INO80D: variants seen among roughly 807,000 people sequenced by gnomAD.
The protein encoded by INO80D is INO80 complex subunit D.
Under a neutral mutation model 87.6 loss-of-function variants are expected in INO80D, and 21 were observed. That is an observed-to-expected ratio of 0.24 (90% CI 0.17 to 0.35). The LOEUF (loss-of-function observed/expected upper bound fraction) is 0.35. Ranked by LOEUF, INO80D falls within the 10% of genes least tolerant of loss-of-function variation. The pLI is 1.00. For synonymous variants in INO80D, 440 were observed against 491.0 expected, an observed-to-expected ratio of 0.90 and a Z score of 1.37; for missense variants, 982 against 1,280.7, an observed-to-expected ratio of 0.77 and a Z score of 3.56.
Position 206,001,754 on chromosome 2 carries a change from A to C in INO80D, c.*2614T>G, listed in dbSNP as rs1687910728. On this transcript the variant is annotated 3_prime_UTR_variant, in exon 11 of 11. Transcript: ENST00000403263. ...CAAACTTTGATATCTGTTTTGAACTAGATAAAATAAGAGGAAAAGTTTGTT... is the reference window on the plus strand; with the variant it reads ...CAAACTTTGATATCTGTTTTGAACTCGATAAAATAAGAGGAAAAGTTTGTT... 1 of 152,224 alleles carries C rather than the reference A, an allele frequency of 6.6e-6. No homozygotes were observed. Among genetic ancestry groups the C allele is most frequent in the South Asian group, 2.1e-4 (1 of 4,828 alleles). The allele number at this position is 152,224 out of a possible 1,614,324, so 9.4% of individuals were successfully genotyped here. A position where few individuals can be genotyped will look rare whatever the true frequency, so the allele number is the denominator to read the frequency against.
rs1199298325 is a variant in INO80D at position 206,076,604 on chromosome 2, C to G, written c.-124+9297G>C. ...ACATTCATTATAATCAAGTTTGAAC[C>G]AGAATATTTTAAAATAATGCTTATT... is the stretch of plus-strand genomic sequence containing the variant. On this transcript the variant is annotated intron_variant, in intron 1 of 10. Transcript: ENST00000403263. Among the ~76,000 whole-genome samples the G allele has an allele frequency of 2.6e-5, 4 of 152,128 alleles. No individual in the cohort carries two copies. In the East Asian group the frequency reaches 7.7e-4, roughly 29 times the overall value.
intron 6 of INO80D, among the ~76,000 whole-genome samples, 174 bp from the exon 7 acceptor site, chr2:206,020,019 T>C (rs1304219812): frequency 6.6e-6 from 1 of 152,156 alleles, no homozygotes; most frequent in Non-Finnish European, 1.5e-5. Context: ...CAATTACCAA[T>C]TGTGTTATTT....
chr2:206,048,592 T>C (rs1340168750), intron 4 of INO80D, among the ~76,000 whole-genome samples: 1 of 152,208 alleles, frequency 6.6e-6, no homozygotes, highest in African/African-American at 2.4e-5. Context: ...AGTTTTACCC[T>C]TTTAAAAGTC....
At chr2:206,038,728 G>A (rs948383693) in intron 5 of INO80D, among the ~76,000 whole-genome samples, 16 of 152,258 alleles carry the variant, frequency 1.1e-4, no homozygotes, top group African/African-American at 3.6e-4. Context: ...AGCTACTCGG[G>A]AGGCTGAGGT....
At chr2:206,005,930 G>A (rs1287504055) in intron 10 of INO80D, among the ~76,000 whole-genome samples, 1 of 152,128 alleles carries the variant, frequency 6.6e-6, no homozygotes, top group Non-Finnish European at 1.5e-5. Context: ...GAGAGAAAAG[G>A]CTGTGTAGAA....
chr2:206,013,092 A>T (rs1688221608), intron 8 of INO80D, among the ~76,000 whole-genome samples: 1 of 152,012 alleles, frequency 6.6e-6, no homozygotes, highest in East Asian at 1.9e-4. Context: ...AAAAAATTTG[A>T]TTAGTATAAT....
chr2:206,084,951 G>C (rs1260419974), intron 1 of INO80D, among the ~76,000 whole-genome samples: 1 of 152,194 alleles, frequency 6.6e-6, no homozygotes, highest in East Asian at 1.9e-4. Context: ...TCCCCAACCT[G>C]GGGGGCTCTA....
intron 5 of INO80D, among the ~76,000 whole-genome samples, chr2:206,038,209 T>A (rs1043393669): frequency 6.6e-6 from 1 of 152,210 alleles, no homozygotes; most frequent in African/African-American, 2.4e-5. Context: ...CAAAACTGCA[T>A]GTGTACCCCA....
chr2:206,041,721 C>T (rs35044948), intron 5 of INO80D, among the ~76,000 whole-genome samples: 41,628 of 152,134 alleles, frequency 0.27, 6,368 homozygotes, highest in Admixed American at 0.35. Flanking sequence ...TTATAGAATA[C>T]TATATTCAAA....
intron 5 of INO80D, among the ~76,000 whole-genome samples, chr2:206,034,715 T>C (rs1688851586): frequency 7.2e-6 from 1 of 137,968 alleles, no homozygotes; most frequent in Admixed American, 7.3e-5. Flanking sequence ...ACCACTCCTC[T>C]TCAACATAGT....
intron 6 of INO80D, among the ~76,000 whole-genome samples, chr2:206,024,321 G>C (rs952650282): frequency 2.0e-5 from 3 of 152,108 alleles, no homozygotes; most frequent in African/African-American, 4.8e-5. Flanking sequence ...ATGAAACAGA[G>C]TACAGAGCAC....
intron 1 of INO80D, among the ~76,000 whole-genome samples, chr2:206,081,732 C>G (rs1169837349): frequency 7.1e-6 from 1 of 140,250 alleles, no homozygotes; most frequent in South Asian, 2.2e-4. Context: ...ACTCCAGGCT[C>G]GACAACAGAG....
chr2:206,066,332 C>T (rs947646091), intron 1 of INO80D, among the ~76,000 whole-genome samples: 1 of 152,098 alleles, frequency 6.6e-6, no homozygotes, highest in Non-Finnish European at 1.5e-5. Flanking sequence ...CACTACTAGG[C>T]ATTTTTCCAA....
At chr2:206,030,606 C>G (rs990340364) in intron 5 of INO80D, among the ~76,000 whole-genome samples, 1 of 151,994 alleles carries the variant, frequency 6.6e-6, no homozygotes, top group Non-Finnish European at 1.5e-5. Context: ...GGATGGTGAA[C>G]AGCAAGAATG....
chr2:206,060,610 G>C (rs1209793922), intron 3 of INO80D, among the ~76,000 whole-genome samples: 1 of 151,332 alleles, frequency 6.6e-6, no homozygotes, highest in African/African-American at 2.4e-5. Context: ...GCCCAGGCTG[G>C]AGTGCAATGG....
Position 206,004,512 on chromosome 2 carries a change from G to A in INO80D, c.2940C>T (p.Gly980=). 1 of 1,610,072 alleles carries A rather than the reference G, an allele frequency of 6.2e-7. No homozygotes were observed. Among genetic ancestry groups the A allele is most frequent in the Non-Finnish European group, 8.5e-7 (1 of 1,178,168 alleles). ...QQLPQFSAAF[G]HQLSSHSGIP... ...TGCCACTGTGAGAACTCAGCTGGTG[G>A]CCAAAGGCTGCGCTGAACTGAGGGA... The change falls in exon 11 of 11, where the codon GGC becomes GGT. Residue 980 remains glycine, a synonymous_variant. Coordinates refer to ENST00000403263, the MANE Select transcript of INO80D (RefSeq NM_017759.5). The surrounding 1 kb of genome is among the most constrained non-coding windows in gnomAD (Gnocchi z 4.9).
chr2:206,070,814 T>TA (rs770264799), intron 1 of INO80D, among the ~76,000 whole-genome samples: 5 of 152,122 alleles, frequency 3.3e-5, no homozygotes, highest in African/African-American at 4.8e-5. Flanking sequence ...TGCTTTTTTT[T>TA]ATCTACTGAC....
chr2:206,074,180 G>A (rs1690046717), intron 1 of INO80D, among the ~76,000 whole-genome samples: 1 of 152,110 alleles, frequency 6.6e-6, no homozygotes, highest in Admixed American at 6.6e-5. Flanking sequence ...GGTAATTAAA[G>A]CACTTTAGAG....
At chr2:206,056,071 G>T in intron 4 of INO80D, 127 bp downstream of exon 4, 1 of 877,556 alleles carries the variant, frequency 1.1e-6, no homozygotes, top group Non-Finnish European at 1.7e-6. Flanking sequence ...ATCTTTCACT[G>T]CACCACTCTG....
Sources: allele counts gnomAD v4.1 joint callset (sites outside exome capture counted in the v4.1 genomes callset), GRCh38; gene constraint gnomAD v4.1.1; non-coding constraint Gnocchi (gnomAD v3.1); transcripts MANE v1.5; gene names NCBI Gene and HGNC (gene_info 2026-07-23, HGNC 2026-07-21).